Variants in BCAS1 observed in about 807,000 individuals in gnomAD.
The protein encoded by BCAS1 is breast carcinoma-amplified sequence 1.
In BCAS1, 46 loss-of-function variants were observed where a neutral mutation model predicts 65.4. That is an observed-to-expected ratio of 0.70 (90% CI 0.55 to 0.90). The LOEUF is 0.90. Among genes scored for constraint, BCAS1 ranks in the 40% least tolerant of loss-of-function variants. The pLI, the probability that BCAS1 is intolerant of heterozygous loss-of-function variation, is 0.00. For missense variants in BCAS1, 793 were observed against 771.2 expected (o/e 1.03, Z -0.33); for synonymous variants, 298 against 293.5 (o/e 1.02, Z -0.16).
intron 9 of BCAS1, among the ~76,000 whole-genome samples, chr20:53,968,557 T>G (rs529554183): frequency 6.6e-6 from 1 of 152,354 alleles, no homozygotes; most frequent in South Asian, 2.1e-4. Flanking sequence ...TGCCCATCAG[T>G]AAATCAGCAT....
chr20:54,003,370 T>C (rs1377502130), intron 4 of BCAS1, among the ~76,000 whole-genome samples: 1 of 152,196 alleles, frequency 6.6e-6, no homozygotes, highest in East Asian at 1.9e-4. Context: ...CACTGTGCTC[T>C]CCAGCTTCTG....
At chr20:53,994,705 A>G (rs2090856084) in intron 6 of BCAS1, among the ~76,000 whole-genome samples, 1 of 152,128 alleles carries the variant, frequency 6.6e-6, no homozygotes, top group African/African-American at 2.4e-5. Flanking sequence ...AGATGATGAT[A>G]TAATTATTAG....
Position 54,058,125 on chromosome 20 carries a change from T to C in BCAS1, c.102A>G (p.Pro34=). Residue 34 remains proline (P), a synonymous_variant, in exon 3 of 13, where the codon CCA becomes CCG. Transcript: ENST00000688948. ...QDNASALNGV[P]VVVSTHTVQH... is the part of the protein sequence containing the mutation. ...GAACTGTGTGGGTCGACACCACCAC[T>C]GGAACCCCGTTCAGAGCAGACGCGT... The C allele has an allele frequency of 2.5e-6, 4 of 1,613,940 alleles. No homozygotes were observed. Among genetic ancestry groups the C allele is most frequent in the Non-Finnish European group, 3.4e-6 (4 of 1,179,962 alleles).
At chr20:53,960,688 C>T (rs1456475200) in intron 10 of BCAS1, among the ~76,000 whole-genome samples, 1 of 151,888 alleles carries the variant, frequency 6.6e-6, no homozygotes, top group Non-Finnish European at 1.5e-5. Context: ...TTCCTTCCTT[C>T]TTTCCTTCCT....
intron 1 of BCAS1, among the ~76,000 whole-genome samples, chr20:54,069,064 G>A (rs1323530217): frequency 2.0e-5 from 3 of 152,148 alleles, no homozygotes; most frequent in African/African-American, 7.2e-5. Context: ...TTGGGACATT[G>A]GTTTGTTCCC....
chr20:53,997,934 G>C (rs1387781980), intron 4 of BCAS1, among the ~76,000 whole-genome samples: 2 of 152,090 alleles, frequency 1.3e-5, no homozygotes, highest in Non-Finnish European at 2.9e-5. Flanking sequence ...TTTCATCCCA[G>C]GGCTGTGGGT....
chr20:53,952,453 C>T (rs978555059), intron 12 of BCAS1, among the ~76,000 whole-genome samples: 3 of 152,194 alleles, frequency 2.0e-5, no homozygotes, highest in African/African-American at 7.2e-5. Context: ...CATCTAGCAG[C>T]CATTGATTCT....
chr20:54,043,825 C>G (rs1449294648), intron 3 of BCAS1, among the ~76,000 whole-genome samples: 1 of 152,230 alleles, frequency 6.6e-6, no homozygotes, highest in Non-Finnish European at 1.5e-5. Flanking sequence ...CTGCGAGTCA[C>G]TGCTATTGGG....
intron 11 of BCAS1, 55 bp downstream of exon 11, chr20:53,957,377 A>G (rs551647033): frequency 6.8e-7 from 1 of 1,462,834 alleles, no homozygotes; most frequent in African/African-American, 1.4e-5. Context: ...TATACTGTGA[A>G]GAAGTGAGAA....
At chr20:53,954,294 G>GGAGA (rs71196437) in intron 11 of BCAS1, among the ~76,000 whole-genome samples, 7,569 of 125,766 alleles carry the variant, frequency 0.06, 327 homozygotes, top group Non-Finnish European at 0.076. Flanking sequence ...GCTGAGAAAT[G>GGAGA]GAGAGAGAGA....
At chr20:54,020,271 C>T (rs919292259) in intron 4 of BCAS1, among the ~76,000 whole-genome samples, 1 of 151,910 alleles carries the variant, frequency 6.6e-6, no homozygotes, top group Non-Finnish European at 1.5e-5. Context: ...TCTGAGGGGG[C>T]GAGTCAGATG....
intron 12 of BCAS1, among the ~76,000 whole-genome samples, chr20:53,949,180 G>A (rs1021501039): frequency 1.4e-5 from 2 of 145,502 alleles, no homozygotes; most frequent in Non-Finnish European, 3.0e-5. Context: ...ATATGTGTCT[G>A]TGTGTGCGTA....
intron 3 of BCAS1, among the ~76,000 whole-genome samples, chr20:54,040,658 A>G (rs1364504543): frequency 1.3e-5 from 2 of 151,228 alleles, no homozygotes; most frequent in Non-Finnish European, 3.0e-5. Context: ...CTTCACACCC[A>G]CGAGGATGGC....
chr20:54,055,241 TAAGA>T (rs2092279201), intron 3 of BCAS1, among the ~76,000 whole-genome samples: 1 of 152,186 alleles, frequency 6.6e-6, no homozygotes, highest in Admixed American at 6.5e-5. Context: ...TGGAAGTTCC[TAAGA>T]AAGTTAAAAA....
intron 3 of BCAS1, among the ~76,000 whole-genome samples, chr20:54,043,517 T>C (rs2092039848): frequency 6.6e-6 from 1 of 152,206 alleles, no homozygotes; most frequent in Non-Finnish European, 1.5e-5. Context: ...AAATATCTTA[T>C]TATTGGCTCA....
At chr20:54,064,458 T>C (rs2092412060) in intron 1 of BCAS1, among the ~76,000 whole-genome samples, 1 of 152,232 alleles carries the variant, frequency 6.6e-6, no homozygotes, top group South Asian at 2.1e-4. Flanking sequence ...ACAACCCTTC[T>C]AGGGGCACTG....
chr20:54,057,456 T>C (rs2092312748), intron 3 of BCAS1, among the ~76,000 whole-genome samples: 1 of 152,250 alleles, frequency 6.6e-6, no homozygotes, highest in Admixed American at 6.5e-5. Flanking sequence ...GCCAGTAATC[T>C]GCAGGGCAGA....
chr20:54,052,574 A>C (rs150786576), intron 3 of BCAS1, among the ~76,000 whole-genome samples: 188 of 152,346 alleles, frequency 1.2e-3, no homozygotes, highest in African/African-American at 4.5e-3. Context: ...TTTAGAGGGC[A>C]AAGACCACAT....
chr20:53,951,403 G>A (rs776393369), intron 12 of BCAS1, among the ~76,000 whole-genome samples: 2 of 152,280 alleles, frequency 1.3e-5, no homozygotes, highest in East Asian at 1.9e-4. Flanking sequence ...CCCGGGATGC[G>A]GAGGTTGCGG....
Sources: allele counts gnomAD v4.1 joint callset (sites outside exome capture counted in the v4.1 genomes callset), GRCh38; gene constraint gnomAD v4.1.1; transcripts MANE v1.5; gene names NCBI Gene and HGNC (gene_info 2026-07-23, HGNC 2026-07-21).